The following PRDM5 variants were observed in gnomAD, a reference collection of about 807,000 sequenced individuals.
PRDM5 encodes the protein PR/SET domain 5.
A neutral mutation model predicts 81.2 loss-of-function variants in PRDM5; 56 were observed. That is an observed-to-expected ratio of 0.69 (90% CI 0.56 to 0.86). The LOEUF is 0.86. Among genes scored for constraint, PRDM5 ranks in the 40% least tolerant of loss-of-function variants. The probability of loss-of-function intolerance (pLI) is 0.00; values close to 1 mark genes in which losing one functional copy is unlikely to be tolerated. For missense variants in PRDM5, 697 were observed against 770.1 expected, an observed-to-expected ratio of 0.91 and a Z score of 1.12; for synonymous variants, 267 against 256.4, an observed-to-expected ratio of 1.04 and a Z score of -0.39.
intron 15 of PRDM5, among the ~76,000 whole-genome samples, chr4:120,697,971 A>G (rs981178009): frequency 6.6e-6 from 1 of 151,836 alleles, no homozygotes; most frequent in Non-Finnish European, 1.5e-5. Context: ...AATAAAAAAA[A>G]AGAAAATGTC....
intron 2 of PRDM5, among the ~76,000 whole-genome samples, chr4:120,859,816 C>T (rs927795132): frequency 9.9e-5 from 15 of 152,118 alleles, no homozygotes; most frequent in Non-Finnish European, 4.4e-5. Flanking sequence ...GCAAGAATCC[C>T]TCCCTCTCTA....
intron 2 of PRDM5, among the ~76,000 whole-genome samples, chr4:120,873,828 G>T (rs548291519): frequency 3.8e-4 from 58 of 152,198 alleles, no homozygotes; most frequent in Middle Eastern, 3.4e-3. Context: ...GCAAGAAAAG[G>T]TACTTATTTT....
At chr4:120,762,978 T>C (rs1007705746) in intron 13 of PRDM5, among the ~76,000 whole-genome samples, 4 of 152,184 alleles carry the variant, frequency 2.6e-5, no homozygotes, top group Non-Finnish European at 5.9e-5. Flanking sequence ...AAGTGGGCAA[T>C]AAAATGTAAA....
At chr4:120,720,028 G>A (rs1262405694) in intron 14 of PRDM5, among the ~76,000 whole-genome samples, 4 of 152,178 alleles carry the variant, frequency 2.6e-5, no homozygotes, top group East Asian at 1.9e-4. Context: ...TGGCCTCACT[G>A]TGAGCCACAA....
intron 3 of PRDM5, among the ~76,000 whole-genome samples, chr4:120,836,293 ATTGT>A (rs1277327944): frequency 6.6e-6 from 1 of 152,194 alleles, no homozygotes. Context: ...ATATATACGT[ATTGT>A]TTATTATCAT....
At chr4:120,801,441 C>T (rs1752105314) in intron 8 of PRDM5, among the ~76,000 whole-genome samples, 2 of 152,200 alleles carry the variant, frequency 1.3e-5, no homozygotes. Flanking sequence ...AAGCACGTGG[C>T]AGTTTGAAGG....
At chr4:120,848,230 C>T (rs960855671) in intron 3 of PRDM5, among the ~76,000 whole-genome samples, 6 of 152,110 alleles carry the variant, frequency 3.9e-5, no homozygotes, top group Non-Finnish European at 5.9e-5. Context: ...ACATAAATAA[C>T]TTAAAATATA....
chr4:120,870,368 C>T (rs1761649533), intron 2 of PRDM5, among the ~76,000 whole-genome samples: 1 of 152,176 alleles, frequency 6.6e-6, no homozygotes, highest in South Asian at 2.1e-4. Context: ...AAAGACTCTG[C>T]CCCATTTTAT....
chr4:120,889,867 G>C (rs1231041233), intron 2 of PRDM5, among the ~76,000 whole-genome samples: 1 of 152,092 alleles, frequency 6.6e-6, no homozygotes, highest in Non-Finnish European at 1.5e-5. Context: ...CACCCATGTT[G>C]CTACAAAGGC....
chr4:120,865,209 C>T (rs909302720), intron 2 of PRDM5, among the ~76,000 whole-genome samples: 8 of 152,160 alleles, frequency 5.3e-5, no homozygotes, highest in African/African-American at 1.9e-4. Context: ...AGAAATTCTT[C>T]AGGAATGTTG....
At chr4:120,776,729 C>G (rs907297) in intron 13 of PRDM5, among the ~76,000 whole-genome samples, 1 of 151,852 alleles carries the variant, frequency 6.6e-6, no homozygotes, top group Non-Finnish European at 1.5e-5. Flanking sequence ...TAGGAAGTAA[C>G]CTGTGGCATA....
At chr4:120,742,589 C>T (rs1407159568) in intron 14 of PRDM5, among the ~76,000 whole-genome samples, 1 of 152,108 alleles carries the variant, frequency 6.6e-6, no homozygotes, top group East Asian at 1.9e-4. Flanking sequence ...CTTAAAGGAG[C>T]TGATGGAGCT....
At chr4:120,755,954 C>A (rs1341163254) in intron 13 of PRDM5, among the ~76,000 whole-genome samples, 1 of 152,170 alleles carries the variant, frequency 6.6e-6, no homozygotes, top group Non-Finnish European at 1.5e-5. Flanking sequence ...TAGCAATAAA[C>A]TAAAAACAAC....
At chr4:120,770,905 C>T (rs1747182859) in intron 13 of PRDM5, among the ~76,000 whole-genome samples, 1 of 144,016 alleles carries the variant, frequency 6.9e-6, no homozygotes, top group South Asian at 2.3e-4. Context: ...TAAAACCAAA[C>T]ATATTTATAA....
chr4:120,754,330 T>C (rs964183633), intron 14 of PRDM5, among the ~76,000 whole-genome samples: 1 of 152,212 alleles, frequency 6.6e-6, no homozygotes, highest in Non-Finnish European at 1.5e-5. Context: ...TGAGTCCTGA[T>C]TCAAAGAATA....
In PRDM5 at chr4:120,816,577, A is replaced by G. The variant is rs368743036; in HGVS notation, c.744-3T>C. On this transcript the variant is annotated splice_polypyrimidine_tract_variant and splice_region_variant and intron_variant, in intron 6 of 15. Coordinates refer to ENST00000264808, the MANE Select transcript of PRDM5 (RefSeq NM_018699.4). Reference sequence around the variant, plus strand: ...AAGTCTCCTGGTGCTGCTCAAAACTACAAGACAACCAGCAAAGCGGAACAG... The same window carrying G: ...AAGTCTCCTGGTGCTGCTCAAAACTGCAAGACAACCAGCAAAGCGGAACAG... The G allele has an allele frequency of 9.3e-6, 15 of 1,614,050 alleles. No homozygotes were observed. The highest frequency in any genetic ancestry group is 1.3e-5 in the African/African-American group (1 of 75,036).
At chr4:120,844,913 A>G (rs1400006484) in intron 3 of PRDM5, among the ~76,000 whole-genome samples, 1 of 152,238 alleles carries the variant, frequency 6.6e-6, no homozygotes, top group Admixed American at 6.5e-5. Context: ...AATGATAAGG[A>G]AAGTGAAACA....
At chr4:120,843,283 G>A (rs761198033) in intron 3 of PRDM5, among the ~76,000 whole-genome samples, 2 of 152,108 alleles carry the variant, frequency 1.3e-5, no homozygotes, top group African/African-American at 2.4e-5. Flanking sequence ...GCAGTGAGCC[G>A]AGATTGTGCC....
At chr4:120,832,312 A>T (rs1272844983) in intron 3 of PRDM5, among the ~76,000 whole-genome samples, 1 of 152,048 alleles carries the variant, frequency 6.6e-6, no homozygotes, top group Non-Finnish European at 1.5e-5. Context: ...ATCACGTGAG[A>T]ACTAAATCAC....
Sources: gnomAD v4.1 joint callset for allele counts (sites outside exome capture counted in the v4.1 genomes callset) on GRCh38, gnomAD v4.1.1 for gene constraint, MANE v1.5 for transcripts, NCBI Gene and HGNC (gene_info 2026-07-23, HGNC 2026-07-21) for gene names.